ERC2: variants seen among roughly 807,000 people sequenced by gnomAD.
ERC2 encodes ELKS/RAB6-interacting/CAST family member 2.
ERC2 carries 42 observed loss-of-function variants against 114.8 expected under a neutral mutation model. The observed-to-expected ratio is 0.37, with a 90% CI of 0.29 to 0.47. The LOEUF (loss-of-function observed/expected upper bound fraction) is 0.47, where lower values mean the gene tolerates loss of function less well. ERC2 is among the 20% of genes least tolerant of loss of function. The pLI, the probability that ERC2 is intolerant of heterozygous loss-of-function variation, is 0.99. For synonymous variants in ERC2, 454 were observed against 425.5 expected (o/e 1.07, Z -0.82); for missense variants, 939 against 1,150.7 (o/e 0.82, Z 2.66).
At chr3:55,731,277 C>T (rs1354163478) in intron 15 of ERC2, among the ~76,000 whole-genome samples, 1 of 152,194 alleles carries the variant, frequency 6.6e-6, no homozygotes, top group Non-Finnish European at 1.5e-5. Flanking sequence ...GTGTTCTCAA[C>T]ATGTGCCCAG....
At chr3:56,019,174 C>T in intron 7 of ERC2, 143 bp from the exon 8 acceptor site, 2 of 658,458 alleles carry the variant, frequency 3.0e-6, no homozygotes, top group Non-Finnish European at 2.5e-6. Flanking sequence ...AGACAAAAGG[C>T]CATTTTGATG....
intron 3 of ERC2, among the ~76,000 whole-genome samples, chr3:56,283,496 G>C (rs1242687457): frequency 6.6e-6 from 1 of 152,164 alleles, no homozygotes; most frequent in Non-Finnish European, 1.5e-5. Context: ...CATTTCTACT[G>C]TCTAAGGCAC....
intron 7 of ERC2, among the ~76,000 whole-genome samples, chr3:56,032,945 AAG>A (rs1165735750): frequency 0.017 from 1,521 of 89,744 alleles, 25 homozygotes; most frequent in Middle Eastern, 0.023. Context: ...GAAAGAAAGA[AAG>A]AAAGAAAGAA....
At position 55,568,462 on chromosome 3, in the gene ERC2, C is replaced by T. The variant is rs190134578; in HGVS notation, c.*40-57186G>A. The stretch of plus-strand genomic sequence containing the variant: ...CTGTAATCTTCCCCATTCTGGATGG[C>T]GGCAGCCTCACTCTTCTGGCTGCTC... On this transcript the variant is annotated intron_variant, in intron 17 of 17. Transcript: ENST00000288221. Among the ~76,000 whole-genome samples, 449 of 152,336 alleles carry T rather than the reference C, an allele frequency of 2.9e-3. 1 individual carries two copies. The highest frequency in any genetic ancestry group is 0.01 in the African/African-American group (425 of 41,586).
chr3:56,147,287 G>A (rs1039056181), intron 5 of ERC2, among the ~76,000 whole-genome samples: 5 of 152,166 alleles, frequency 3.3e-5, no homozygotes, highest in African/African-American at 7.2e-5. Context: ...GAAGGACTGC[G>A]CAGGGAAACT....
At chr3:55,631,911 C>T (rs1308783364) in intron 17 of ERC2, among the ~76,000 whole-genome samples, 1 of 152,240 alleles carries the variant, frequency 6.6e-6, no homozygotes, top group Non-Finnish European at 1.5e-5. Context: ...TCAACTTTCA[C>T]AACAATATTG....
intron 17 of ERC2, among the ~76,000 whole-genome samples, chr3:55,553,788 A>C (rs1432234095): frequency 6.6e-6 from 1 of 152,266 alleles, no homozygotes; most frequent in East Asian, 1.9e-4. Flanking sequence ...TCAAAAAAAA[A>C]AGAAATGGCA....
intron 17 of ERC2, among the ~76,000 whole-genome samples, chr3:55,594,910 A>G (rs958986464): frequency 1.3e-5 from 2 of 152,018 alleles, no homozygotes; most frequent in African/African-American, 4.8e-5. Flanking sequence ...ATCACCATCA[A>G]CACTCTTACC....
intron 17 of ERC2, among the ~76,000 whole-genome samples, chr3:55,558,993 G>A (rs2055819625): frequency 6.6e-6 from 1 of 152,226 alleles, no homozygotes; most frequent in African/African-American, 2.4e-5. Context: ...GCAAGGTCTG[G>A]AGACACAGTT....
At chr3:56,197,059 G>A (rs187647438) in intron 3 of ERC2, among the ~76,000 whole-genome samples, 2 of 152,172 alleles carry the variant, frequency 1.3e-5, no homozygotes, top group South Asian at 2.1e-4. Context: ...GCCATGTCAG[G>A]TGTGAAAAAA....
intron 7 of ERC2, among the ~76,000 whole-genome samples, chr3:56,080,421 T>C (rs140224326): frequency 4.6e-5 from 7 of 152,312 alleles, no homozygotes; most frequent in Non-Finnish European, 7.4e-5. Flanking sequence ...CTTCACAGAA[T>C]AGGATCTACT....
intron 15 of ERC2, among the ~76,000 whole-genome samples, chr3:55,710,338 TCTC>T (rs1442574018): frequency 6.6e-6 from 1 of 152,024 alleles, no homozygotes. Context: ...CCCTACCTCT[TCTC>T]CTGCGATAAC....
At chr3:55,964,579 C>T (rs1161688853) in intron 12 of ERC2, among the ~76,000 whole-genome samples, 1 of 152,086 alleles carries the variant, frequency 6.6e-6, no homozygotes, top group Non-Finnish European at 1.5e-5. Flanking sequence ...TTTAAACCAG[C>T]ACTGAATTAG....
chr3:55,781,175 GC>G (rs763243326), intron 14 of ERC2, among the ~76,000 whole-genome samples: 2 of 152,188 alleles, frequency 1.3e-5, no homozygotes, highest in Non-Finnish European at 2.9e-5. Context: ...TGCTGAGGCA[GC>G]CACAGCACAA....
intron 5 of ERC2, among the ~76,000 whole-genome samples, chr3:56,142,870 C>A (rs959387238): frequency 6.6e-6 from 1 of 150,658 alleles, no homozygotes; most frequent in Non-Finnish European, 1.5e-5. Flanking sequence ...TGAAAAAATA[C>A]TTTAAGGCTT....
rs570346304 is a variant in ERC2 at position 56,354,371 on chromosome 3, A to C, written c.658-57936T>G. The stretch of plus-strand genomic sequence containing the variant: ...ATTGTAATGTACATCAGCAATTCTC[A>C]AACAGGGGCAATTTTGCTCCCAGGA... On this transcript the variant is annotated intron_variant, in intron 2 of 17. Transcript: ENST00000288221. Among the ~76,000 whole-genome samples the C allele has an allele frequency of 1.1e-4, 17 of 152,224 alleles. No homozygotes were observed. The South Asian group carries it at 3.1e-3, about 28-fold the overall frequency.
rs143611052 is a variant in ERC2, at chr3:55,688,820, C to T, written c.2848-4961G>A. Reference sequence around the variant, plus strand: ...TCTAAATGAGTAATTATGGAAGGCTCAGTTCTCACTGTTTTGAATGACTGG... The same window carrying T: ...TCTAAATGAGTAATTATGGAAGGCTTAGTTCTCACTGTTTTGAATGACTGG... On this transcript the variant is annotated intron_variant, in intron 16 of 17. Coordinates refer to ENST00000288221, the MANE Select transcript of ERC2 (RefSeq NM_015576.3). Among the ~76,000 whole-genome samples the T allele has an allele frequency of 1.9e-4, 29 of 152,284 alleles. No individual in the cohort carries two copies. The East Asian group carries it at 4.6e-3, about 24-fold the overall frequency.
intron 2 of ERC2, among the ~76,000 whole-genome samples, chr3:56,394,043 A>C (rs2060219483): frequency 6.6e-6 from 1 of 152,160 alleles, no homozygotes; most frequent in African/African-American, 2.4e-5. Flanking sequence ...TAAGTAGAGA[A>C]TTTTCTCTAC....
chr3:55,953,962 C>T (rs768179921), intron 12 of ERC2, among the ~76,000 whole-genome samples: 5 of 151,502 alleles, frequency 3.3e-5, no homozygotes, highest in Admixed American at 6.6e-5. Flanking sequence ...AAGGTAAGGC[C>T]CCTGGTCGTG....
Sources: allele counts gnomAD v4.1 joint callset (sites outside exome capture counted in the v4.1 genomes callset), GRCh38; gene constraint gnomAD v4.1.1; transcripts MANE v1.5; gene names NCBI Gene and HGNC (gene_info 2026-07-23, HGNC 2026-07-21).